The following IMMP2L variants were observed in gnomAD, a reference collection of about 807,000 sequenced individuals.
IMMP2L encodes the protein mitochondrial inner membrane protease subunit 2.
Under a neutral mutation model 19.3 loss-of-function variants are expected in IMMP2L, and 18 were observed. The ratio of observed to expected loss-of-function variants is 0.93; its 90% CI spans 0.64 to 1.38. The LOEUF (loss-of-function observed/expected upper bound fraction) is 1.38, where lower values mean the gene tolerates loss of function less well. Among genes scored for constraint, IMMP2L ranks in the 40% most tolerant of loss-of-function variants. The pLI, the probability that IMMP2L is intolerant of heterozygous loss-of-function variation, is 0.00. For synonymous variants in IMMP2L, 76 were observed against 73.0 expected, an observed-to-expected ratio of 1.04 and a Z score of -0.21; for missense variants, 233 against 218.2, an observed-to-expected ratio of 1.07 and a Z score of -0.43.
chr7:111,385,096 G>C (rs193088089), intron 3 of IMMP2L, among the ~76,000 whole-genome samples: 2 of 152,220 alleles, frequency 1.3e-5, no homozygotes, highest in East Asian at 1.9e-4. Flanking sequence ...TTCTTATAGG[G>C]AAGACGTGTA....
chr7:110,926,968 T>C (rs1228639301), intron 4 of IMMP2L, among the ~76,000 whole-genome samples: 1 of 152,180 alleles, frequency 6.6e-6, no homozygotes, highest in African/African-American at 2.4e-5. Flanking sequence ...TCTTTCAATA[T>C]AATTCCTTGC....
At chr7:111,167,265 T>A (rs1014007802) in intron 3 of IMMP2L, among the ~76,000 whole-genome samples, 2 of 152,020 alleles carry the variant, frequency 1.3e-5, no homozygotes, top group Non-Finnish European at 2.9e-5. Context: ...TTTCAGCTAC[T>A]TTTGACTGGA....
At chr7:111,267,475 T>C (rs956888316) in intron 3 of IMMP2L, among the ~76,000 whole-genome samples, 4 of 152,148 alleles carry the variant, frequency 2.6e-5, no homozygotes, top group African/African-American at 4.8e-5. Flanking sequence ...ATCTGTTTCA[T>C]TGCTAGGAGC....
chr7:110,703,324 GAATC>G lies in IMMP2L; in HGVS notation c.409-39607_409-39604del, dbSNP rs533171136. On this transcript the variant is annotated intron_variant, in intron 5 of 5. Coordinates refer to ENST00000405709, the MANE Select transcript of IMMP2L (RefSeq NM_032549.4). ...TATCCTTTTTTTTAATGTATTGTTG[GAATC>G]AATCTGCTAATATTTTCATAAGGAT... is the stretch of plus-strand genomic sequence containing the variant. Among the ~76,000 whole-genome samples, 164 of 151,884 alleles carry G rather than the reference GAATC, an allele frequency of 1.1e-3. 1 individual carries two copies. Among genetic ancestry groups the G allele is most frequent in the African/African-American group, 3.8e-3 (158 of 41,394 alleles).
intron 5 of IMMP2L, among the ~76,000 whole-genome samples, chr7:110,785,063 T>C (rs1799979379): frequency 1.3e-5 from 2 of 151,952 alleles, no homozygotes; most frequent in Admixed American, 1.3e-4. Flanking sequence ...ATCATGACAT[T>C]CTTTTTAGAA....
At chr7:111,553,739 T>A (rs1000219957) in intron 1 of IMMP2L, among the ~76,000 whole-genome samples, 6 of 152,200 alleles carry the variant, frequency 3.9e-5, no homozygotes, top group African/African-American at 1.4e-4. Flanking sequence ...TAGTAAAATA[T>A]ATCATCAAAA....
chr7:111,179,416 C>G (rs1051013134), intron 3 of IMMP2L, among the ~76,000 whole-genome samples: 1 of 151,670 alleles, frequency 6.6e-6, no homozygotes, highest in African/African-American at 2.4e-5. Flanking sequence ...TGGTAGTGTT[C>G]GTGTTTGTTA....
chr7:111,303,198 T>G (rs528777867), intron 3 of IMMP2L, among the ~76,000 whole-genome samples: 3 of 152,236 alleles, frequency 2.0e-5, no homozygotes, highest in African/African-American at 7.2e-5. Flanking sequence ...TGATTTTTTT[T>G]CTCTAAGTGA....
chr7:111,175,589 A>C (rs1019195691), intron 3 of IMMP2L, among the ~76,000 whole-genome samples: 1 of 151,820 alleles, frequency 6.6e-6, no homozygotes, highest in Admixed American at 6.6e-5. Flanking sequence ...GAAGAAGGAA[A>C]CCAGGCCCCT....
chr7:111,091,048 G>C (rs975594792), intron 3 of IMMP2L: 2 of 152,220 alleles, frequency 1.3e-5, no homozygotes, highest in Non-Finnish European at 2.9e-5. Context: ...GCTACATCTT[G>C]GCTGTCTGAA....
chr7:110,747,484 A>T (rs768267962), intron 5 of IMMP2L, among the ~76,000 whole-genome samples: 1 of 152,218 alleles, frequency 6.6e-6, no homozygotes, highest in African/African-American at 2.4e-5. Flanking sequence ...ATGAACATCG[A>T]TGTCAAAATC....
intron 3 of IMMP2L, among the ~76,000 whole-genome samples, chr7:110,993,744 T>A (rs1757293049): frequency 6.6e-6 from 1 of 151,948 alleles, no homozygotes; most frequent in African/African-American, 2.4e-5. Flanking sequence ...ATAATTCACC[T>A]CTCTCCCTGC....
rs368422563 is a variant in IMMP2L at position 111,487,220 on chromosome 7, T to C, written c.239+18A>G. The C allele has an allele frequency of 2.4e-5, 26 of 1,105,178 alleles. No individual in the cohort carries two copies. In the East Asian group the frequency reaches 3.1e-4, roughly 13 times the overall value. 68.5% of individuals were successfully genotyped at this position (1,105,178 alleles called of 1,614,324 possible). ...AATAATTTTATATACAAATATAGTA[T>C]GCTTCTGAGTTACTTACACCAATGA... On this transcript the variant is annotated intron_variant, in intron 3 of 5. Transcript: ENST00000405709.
intron 3 of IMMP2L, among the ~76,000 whole-genome samples, chr7:111,382,073 TAGC>T (rs1218981275): frequency 1.3e-5 from 2 of 151,746 alleles, no homozygotes; most frequent in Non-Finnish European, 2.9e-5. Flanking sequence ...AATATGGAAA[TAGC>T]AGCAGACCCA....
chr7:111,492,594 T>C (rs1466209801), intron 2 of IMMP2L, among the ~76,000 whole-genome samples: 1 of 152,158 alleles, frequency 6.6e-6, no homozygotes, highest in Non-Finnish European at 1.5e-5. Context: ...ACAATGGGGA[T>C]AGAAAAATCC....
At chr7:111,456,363 G>A (rs1839674017) in intron 3 of IMMP2L, among the ~76,000 whole-genome samples, 1 of 151,774 alleles carries the variant, frequency 6.6e-6, no homozygotes, top group Non-Finnish European at 1.5e-5. Context: ...CCTTTTTGAT[G>A]TACTGCTGAC....
intron 5 of IMMP2L, among the ~76,000 whole-genome samples, chr7:110,733,593 T>C (rs1052395823): frequency 6.6e-6 from 1 of 152,142 alleles, no homozygotes; most frequent in Non-Finnish European, 1.5e-5. Context: ...CATATATTCA[T>C]ATAAACTTAA....
At chr7:110,808,388 TAGG>T (rs1249050767) in intron 5 of IMMP2L, among the ~76,000 whole-genome samples, 3 of 152,040 alleles carry the variant, frequency 2.0e-5, no homozygotes, top group African/African-American at 7.2e-5. Flanking sequence ...GCAATTATAA[TAGG>T]AGAAGGGAAT....
intron 2 of IMMP2L, among the ~76,000 whole-genome samples, chr7:111,500,867 T>C (rs1178696190): frequency 1.3e-5 from 2 of 151,692 alleles, no homozygotes; most frequent in African/African-American, 4.8e-5. Context: ...ACCACAAAGA[T>C]GGGGGAAAAA....
Sources: allele counts gnomAD v4.1 joint callset (sites outside exome capture counted in the v4.1 genomes callset), GRCh38; gene constraint gnomAD v4.1.1; transcripts MANE v1.5; gene names NCBI Gene and HGNC (gene_info 2026-07-23, HGNC 2026-07-21).